CMSS1: variants seen among roughly 807,000 people sequenced by gnomAD.
The protein encoded by CMSS1 is protein CMSS1.
Under a neutral mutation model 43.5 loss-of-function variants are expected in CMSS1, and 33 were observed. The observed-to-expected ratio is 0.76, with a 90% CI of 0.57 to 1.01. The LOEUF (loss-of-function observed/expected upper bound fraction) is 1.01. CMSS1 is among the 50% of genes least tolerant of loss of function. The probability of loss-of-function intolerance (pLI) is 0.00; values close to 1 mark genes in which losing one functional copy is unlikely to be tolerated. For synonymous variants in CMSS1, 115 were observed against 117.2 expected (o/e 0.98, Z 0.12); for missense variants, 313 against 326.4 (o/e 0.96, Z 0.32).
chr3:99,894,718 G>A (rs1201231057), intron 1 of CMSS1, among the ~76,000 whole-genome samples: 1 of 152,126 alleles, frequency 6.6e-6, no homozygotes, highest in Admixed American at 6.5e-5. Flanking sequence ...ACTAGCACAA[G>A]GAAGCTTACT....
intron 1 of CMSS1, among the ~76,000 whole-genome samples, chr3:100,037,981 A>C (rs1267754288): frequency 6.7e-6 from 1 of 148,164 alleles, no homozygotes; most frequent in Non-Finnish European, 1.5e-5. Context: ...CAGAGTCTCA[A>C]ATCTCGCTCT....
intron 1 of CMSS1, among the ~76,000 whole-genome samples, chr3:99,960,414 T>C (rs1708456271): frequency 6.6e-6 from 1 of 152,152 alleles, no homozygotes; most frequent in Admixed American, 6.5e-5. Context: ...CAGCTGCTCC[T>C]CAATTAGGCA....
intron 2 of CMSS1, among the ~76,000 whole-genome samples, chr3:100,153,382 T>C (rs2066939552): frequency 1.3e-5 from 2 of 152,250 alleles, no homozygotes; most frequent in Admixed American, 1.3e-4. Flanking sequence ...AGTATTTCAC[T>C]TCTTTTTATC....
At chr3:100,006,790 C>T (rs189121166) in intron 1 of CMSS1, among the ~76,000 whole-genome samples, 39 of 152,226 alleles carry the variant, frequency 2.6e-4, no homozygotes, top group Admixed American at 2.2e-3. Flanking sequence ...TTAATAATTG[C>T]GGCATGTCAG....
In CMSS1 at chr3:99,818,020, C is replaced by A; in HGVS notation, c.41C>A (p.Pro14Gln). ...DLGDEWWENQ[P>Q]TGAGSSPEAS... Reference sequence around the variant, plus strand: ...GGAGACGAGTGGTGGGAGAACCAGCCGACTGGAGCAGGCAGCAGCCCAGGT... The same window carrying A: ...GGAGACGAGTGGTGGGAGAACCAGCAGACTGGAGCAGGCAGCAGCCCAGGT... The change falls in exon 1 of 10, where the codon CCG becomes CAG. Residue 14 changes from proline to glutamine, a missense_variant. By Grantham distance (76) the Pro-to-Gln change is moderately conservative (BLOSUM62 -1). Transcript: ENST00000421999. 1 of 1,613,908 alleles carries A rather than the reference C, an allele frequency of 6.2e-7. No individual in the cohort carries two copies. Among genetic ancestry groups the A allele is most frequent in the Non-Finnish European group, 8.5e-7 (1 of 1,179,998 alleles).
At chr3:100,160,038 A>G (rs2067009592) in intron 2 of CMSS1, 1 of 413,096 alleles carries the variant, frequency 2.4e-6, no homozygotes, top group Non-Finnish European at 4.8e-6. Flanking sequence ...AGTTCATGGA[A>G]AACCTTAGTC....
chr3:100,088,654 TTC>T (rs2066053230), intron 1 of CMSS1, among the ~76,000 whole-genome samples: 1 of 152,122 alleles, frequency 6.6e-6, no homozygotes. Flanking sequence ...CTCTGCAGTT[TTC>T]TCTCTCTTCT....
intron 1 of CMSS1, among the ~76,000 whole-genome samples, chr3:99,856,206 GTT>G (rs1470587299): frequency 6.6e-6 from 1 of 152,236 alleles, no homozygotes; most frequent in Non-Finnish European, 1.5e-5. Context: ...CCCCAGAGGG[GTT>G]TCCAACCCAG....
At chr3:100,132,592 G>A (rs898602297) in intron 1 of CMSS1, among the ~76,000 whole-genome samples, 19 of 151,996 alleles carry the variant, frequency 1.3e-4, no homozygotes, top group Admixed American at 1.3e-4. Flanking sequence ...GGCTGAGGCC[G>A]GCAGATCACA....
intron 1 of CMSS1, among the ~76,000 whole-genome samples, chr3:100,008,354 A>G (rs1168409401): frequency 6.6e-6 from 1 of 152,208 alleles, no homozygotes; most frequent in Non-Finnish European, 1.5e-5. Context: ...AAGGCAAAGA[A>G]AAAAAGCAGC....
intron 1 of CMSS1, among the ~76,000 whole-genome samples, chr3:99,858,563 A>G (rs1274916626): frequency 6.6e-6 from 1 of 152,224 alleles, no homozygotes; most frequent in East Asian, 1.9e-4. Flanking sequence ...ATACTTTTAC[A>G]AAATTATTTA....
chr3:99,915,344 G>A (rs1706919320), intron 1 of CMSS1, among the ~76,000 whole-genome samples: 1 of 152,110 alleles, frequency 6.6e-6, no homozygotes, highest in Non-Finnish European at 1.5e-5. Flanking sequence ...TGTGGAAGGG[G>A]CTGTGTAACA....
intron 1 of CMSS1, among the ~76,000 whole-genome samples, chr3:99,917,238 C>T (rs1408293325): frequency 6.6e-6 from 1 of 152,114 alleles, no homozygotes; most frequent in African/African-American, 2.4e-5. Context: ...CCTGATCTTC[C>T]ACAGTGTTGC....
intron 9 of CMSS1, among the ~76,000 whole-genome samples, chr3:100,176,685 C>T (rs1182819218): frequency 6.6e-6 from 1 of 152,160 alleles, no homozygotes; most frequent in Non-Finnish European, 1.5e-5. Flanking sequence ...TTTTGAGAAA[C>T]AAGAAGATCT....
intron 1 of CMSS1, among the ~76,000 whole-genome samples, chr3:100,079,721 C>T (rs1364116680): frequency 1.3e-5 from 2 of 151,986 alleles, no homozygotes; most frequent in East Asian, 3.9e-4. Flanking sequence ...CCTGTATTCA[C>T]ACTTTAGAAC....
chr3:99,910,072 C>T lies in CMSS1; in HGVS notation c.64+92029C>T, dbSNP rs1333138824. ...GTGTGGGGTCAGCTCACCCTCATTGCACTTTCAAGTATAATATTAGGTATT... is the reference window on the plus strand; with the variant it reads ...GTGTGGGGTCAGCTCACCCTCATTGTACTTTCAAGTATAATATTAGGTATT... On this transcript the variant is annotated intron_variant, in intron 1 of 9. Transcript: ENST00000421999. Among the ~76,000 whole-genome samples the T allele has an allele frequency of 1.5e-5, 2 of 135,874 alleles. 1 individual carries two copies. Among genetic ancestry groups the T allele is most frequent in the Non-Finnish European group, 3.4e-5 (2 of 59,506 alleles). 89.1% of individuals were successfully genotyped at this position (135,874 alleles called of 152,430 possible).
At position 100,079,142 on chromosome 3, in the gene CMSS1, G is replaced by A. The variant is rs141391364; in HGVS notation, c.65-67831G>A. ...GGCCTCTCTCCCCAGTCCTCTCAGC[G>A]TTAGCAGTCTTTTACAGTCTTTACA... On this transcript the variant is annotated intron_variant, in intron 1 of 9. Transcript: ENST00000421999. 4.7e-3 allele frequency among the ~76,000 whole-genome samples: 715 copies of A among 152,264 alleles called. 2 individuals carry two copies. Among genetic ancestry groups the A allele is most frequent in the South Asian group, 7.0e-3 (34 of 4,828 alleles).
chr3:100,011,262 G>T (rs1473077908), intron 1 of CMSS1, among the ~76,000 whole-genome samples: 2 of 152,082 alleles, frequency 1.3e-5, no homozygotes, highest in African/African-American at 4.8e-5. Context: ...TTTCCTCAGG[G>T]AAATGTTTCT....
chr3:99,858,948 T>G (rs141578307), intron 1 of CMSS1, among the ~76,000 whole-genome samples: 4 of 152,254 alleles, frequency 2.6e-5, no homozygotes, highest in African/African-American at 9.6e-5. Context: ...ACTGGCTTAG[T>G]CACTGCTTTG....
Sources: allele counts gnomAD v4.1 joint callset (sites outside exome capture counted in the v4.1 genomes callset), GRCh38; gene constraint gnomAD v4.1.1; transcripts MANE v1.5; gene names NCBI Gene and HGNC (gene_info 2026-07-23, HGNC 2026-07-21).